ADAD1: variants seen among roughly 807,000 people sequenced by gnomAD.
ADAD1 encodes the protein adenosine deaminase domain-containing protein 1.
ADAD1 carries 46 observed loss-of-function variants against 66.8 expected under a neutral mutation model. The ratio of observed to expected loss-of-function variants is 0.69; its 90% CI spans 0.54 to 0.88. ADAD1 has a LOEUF of 0.88. Ranked by LOEUF, ADAD1 falls within the 40% of genes least tolerant of loss-of-function variation. The pLI, the probability that ADAD1 is intolerant of heterozygous loss-of-function variation, is 0.00. For missense variants in ADAD1, 617 were observed against 681.8 expected, an observed-to-expected ratio of 0.91 and a Z score of 1.06; for synonymous variants, 248 against 229.4, an observed-to-expected ratio of 1.08 and a Z score of -0.73.
chr4:122,387,058 TC>T (rs1434992629), intron 5 of ADAD1, among the ~76,000 whole-genome samples: 16 of 152,352 alleles, frequency 1.1e-4, no homozygotes, highest in African/African-American at 3.8e-4. Flanking sequence ...AATAGTTTTT[TC>T]TAATTCTGTG....
chr4:122,379,546 T>G (rs995916665), intron 2 of ADAD1, 101 bp downstream of exon 2: 2 of 153,484 alleles, frequency 1.3e-5, no homozygotes, highest in African/African-American at 4.8e-5. Context: ...CCTGTGAACC[T>G]CGCGCAGAGC....
chr4:122,425,122 C>T (rs1027252018), intron 12 of ADAD1, among the ~76,000 whole-genome samples: 4 of 152,014 alleles, frequency 2.6e-5, no homozygotes, highest in African/African-American at 9.7e-5. Context: ...TTTTAATTCT[C>T]CTTTGTCAGT....
intron 2 of ADAD1, chr4:122,379,758 G>C (rs372673359): frequency 4.6e-6 from 1 of 218,350 alleles, no homozygotes; most frequent in Non-Finnish European, 8.9e-6. Context: ...CTTTTTTCCT[G>C]ACCTTGCTAA....
intron 7 of ADAD1, among the ~76,000 whole-genome samples, chr4:122,403,968 G>A (rs947891398): frequency 6.6e-6 from 1 of 152,070 alleles, no homozygotes; most frequent in Admixed American, 6.6e-5. Context: ...AGCCAGCACT[G>A]ACAGGCCTCA....
chr4:122,418,647 G>C (rs1050133748), intron 11 of ADAD1, among the ~76,000 whole-genome samples: 1 of 152,050 alleles, frequency 6.6e-6, no homozygotes. Context: ...TTACCAAGAA[G>C]GCACCTTAGC....
At chr4:122,420,762 C>T (rs1796967663) in intron 11 of ADAD1, among the ~76,000 whole-genome samples, 1 of 152,140 alleles carries the variant, frequency 6.6e-6, no homozygotes, top group African/African-American at 2.4e-5. Flanking sequence ...TCTACATGCA[C>T]ATAATATACA....
chr4:122,428,082 CAATT>C (rs752926647), intron 12 of ADAD1, among the ~76,000 whole-genome samples: 21 of 151,532 alleles, frequency 1.4e-4, no homozygotes, highest in South Asian at 4.1e-4. Flanking sequence ...GTGGGTAAAA[CAATT>C]AACTTAGATC....
rs1474990477 is a variant in ADAD1, at chr4:122,428,712, A to G, written c.1618-914A>G. ...TTAGAAAAAGCAAAACTCTAGAGACAGCAAGTAGATTCATGGTTGTCTGGG... is the reference window on the plus strand; with the variant it reads ...TTAGAAAAAGCAAAACTCTAGAGACGGCAAGTAGATTCATGGTTGTCTGGG... On this transcript the variant is annotated intron_variant, in intron 12 of 12. Coordinates refer to ENST00000296513, the MANE Select transcript of ADAD1 (RefSeq NM_139243.4). Among the ~76,000 whole-genome samples the G allele has an allele frequency of 2.6e-5, 4 of 152,190 alleles. No homozygotes were observed. The East Asian group carries it at 7.7e-4, about 29-fold the overall frequency.
chr4:122,384,792 T>G (rs942758497), intron 5 of ADAD1, among the ~76,000 whole-genome samples: 25 of 152,202 alleles, frequency 1.6e-4, no homozygotes, highest in African/African-American at 5.8e-4. Context: ...TTTATTTTTT[T>G]CCCTCCTTCA....
chr4:122,427,368 A>C (rs531069286), intron 12 of ADAD1, among the ~76,000 whole-genome samples: 3 of 152,164 alleles, frequency 2.0e-5, no homozygotes, highest in Non-Finnish European at 4.4e-5. Flanking sequence ...AAGTAAATGG[A>C]GAGATGTACC....
chr4:122,422,819 G>A (rs2150604369), intron 12 of ADAD1, among the ~76,000 whole-genome samples: 1 of 151,956 alleles, frequency 6.6e-6, no homozygotes, highest in East Asian at 1.9e-4. Flanking sequence ...GGACATGGTG[G>A]CCCACAGCTC....
intron 7 of ADAD1, among the ~76,000 whole-genome samples, chr4:122,403,494 A>G (rs990065913): frequency 6.6e-6 from 1 of 152,176 alleles, no homozygotes; most frequent in Admixed American, 6.6e-5. Context: ...AAGTTGTCAC[A>G]TGGACAGACT....
intron 5 of ADAD1, among the ~76,000 whole-genome samples, chr4:122,387,476 G>A (rs980213194): frequency 7.2e-5 from 11 of 152,160 alleles, no homozygotes; most frequent in South Asian, 4.2e-4. Context: ...AAATCATGTC[G>A]TCTACAAACA....
At chr4:122,412,428 C>T (rs1796508457) in intron 9 of ADAD1, 152 bp from the exon 10 acceptor site, 2 of 640,076 alleles carry the variant, frequency 3.1e-6, no homozygotes, top group Non-Finnish European at 2.7e-6. Flanking sequence ...AGGCACTCCA[C>T]TCCTACCTTG....
intron 11 of ADAD1, among the ~76,000 whole-genome samples, chr4:122,420,314 G>A (rs918811255): frequency 6.6e-6 from 1 of 152,134 alleles, no homozygotes; most frequent in Non-Finnish European, 1.5e-5. Flanking sequence ...GGATTTTCTT[G>A]GGCTTTCCCA....
Position 122,396,352 on chromosome 4 carries a change from A to T in ADAD1, c.699A>T (p.Ser233=), listed in dbSNP as rs1177469177. The T allele has an allele frequency of 2.5e-6, 4 of 1,588,682 alleles. No individual in the cohort carries two copies. The highest frequency in any genetic ancestry group is 2.6e-6 in the Non-Finnish European group (3 of 1,169,972). ...CAGAATACCTGAAATATAGCAGTTC[A>T]TTGGCTGCTTTTATAATTGAAAGAG... ...NRSEYLKYSS[S]LAAFIIERAG... The change falls in exon 7 of 13, where the codon TCA becomes TCT. Residue 233 remains serine (S), a synonymous_variant. Transcript: ENST00000296513.
chr4:122,384,781 A>G (rs1404408440), intron 5 of ADAD1, among the ~76,000 whole-genome samples: 1 of 152,162 alleles, frequency 6.6e-6, no homozygotes, highest in Non-Finnish European at 1.5e-5. Flanking sequence ...TTTCTAAAAC[A>G]TTTATTTTTT....
chr4:122,381,674 A>G (rs1794904158), intron 4 of ADAD1, among the ~76,000 whole-genome samples: 1 of 152,244 alleles, frequency 6.6e-6, no homozygotes, highest in Non-Finnish European at 1.5e-5. Flanking sequence ...ATCTGTAACC[A>G]TGCTGTGCCT....
At position 122,412,576 on chromosome 4, in the gene ADAD1, C is replaced by G. The variant is rs771551526; in HGVS notation, c.1020-4C>G. ...AAGGAAGAAACTTTCTTTTCTTTCT[C>G]TAGACGTCTTAATCCACATTCTATA... On this transcript the variant is annotated splice_polypyrimidine_tract_variant and splice_region_variant and intron_variant, in intron 9 of 12. Coordinates refer to ENST00000296513, the MANE Select transcript of ADAD1 (RefSeq NM_139243.4). 1 of 1,612,120 alleles carries G rather than the reference C, an allele frequency of 6.2e-7. No individual in the cohort carries two copies. The highest frequency in any genetic ancestry group is 1.3e-5 in the African/African-American group (1 of 74,952).
Sources: gnomAD v4.1 joint callset for allele counts (sites outside exome capture counted in the v4.1 genomes callset) on GRCh38, gnomAD v4.1.1 for gene constraint, MANE v1.5 for transcripts, NCBI Gene and HGNC (gene_info 2026-07-23, HGNC 2026-07-21) for gene names.